The following STK26 variants were observed in gnomAD, a reference collection of about 807,000 sequenced individuals.
STK26 encodes serine/threonine kinase 26.
STK26 carries 14 observed loss-of-function variants against 34.7 expected under a neutral mutation model. The ratio of observed to expected loss-of-function variants is 0.40; its 90% CI spans 0.27 to 0.63. The LOEUF is 0.63. Ranked by LOEUF, STK26 falls within the 30% of genes least tolerant of loss-of-function variation. The pLI is 0.38. For missense variants in STK26, 226 were observed against 309.1 expected (o/e 0.73, Z 2.02); for synonymous variants, 100 against 109.8 (o/e 0.91, Z 0.56).
chrX:132,029,441 G>A (rs1196573974), intron 2 of STK26, among the ~76,000 whole-genome samples: 2 of 110,688 alleles, frequency 1.8e-5, no homozygotes, highest in South Asian at 3.9e-4. Flanking sequence ...ATGTATGGGG[G>A]GCAGTTCATC....
At chrX:132,035,788 C>A (rs1602746341) in intron 2 of STK26, among the ~76,000 whole-genome samples, 1 of 94,002 alleles carries the variant, frequency 1.1e-5, no homozygotes, top group African/African-American at 3.9e-5. Context: ...GTCCCCCCCT[C>A]AAAAAAAAAA....
At chrX:132,041,039 C>T in intron 2 of STK26, among the ~76,000 whole-genome samples, 1 of 111,821 alleles carries the variant, frequency 8.9e-6, no homozygotes, top group East Asian at 2.8e-4. Context: ...TTTTTTTCCG[C>T]AAAATATCAG....
intron 2 of STK26, among the ~76,000 whole-genome samples, chrX:132,027,411 G>A (rs755786960): frequency 8.9e-6 from 1 of 112,091 alleles, no homozygotes; most frequent in Non-Finnish European, 1.9e-5. Flanking sequence ...TATGATGTTC[G>A]GTAGGTTAGG....
intron 2 of STK26, among the ~76,000 whole-genome samples, chrX:132,043,346 A>C (rs1926331994): frequency 8.9e-6 from 1 of 111,964 alleles, no homozygotes; most frequent in Non-Finnish European, 1.9e-5. Flanking sequence ...TGAGGCTCTC[A>C]GCATCTGTCA....
rs1271109830 is a variant in STK26, at chrX:132,032,857, A to G, written c.42+9198A>G. Among the ~76,000 whole-genome samples the G allele has an allele frequency of 2.7e-4, 30 of 111,551 alleles. No homozygotes were observed. The Admixed American group carries it at 2.9e-3, about 11-fold the overall frequency. On this transcript the variant is annotated intron_variant, in intron 2 of 11. Coordinates refer to ENST00000394334, the MANE Select transcript of STK26 (RefSeq NM_016542.4). ...CTAGTGAATTACTCTACCAGGTTTC[A>G]ATAGTGCCTGGTAACACAATCCTAG...
Position 132,068,380 on chromosome X carries a change from G to GT in STK26, c.440-23dup, listed in dbSNP as rs758094084. 8.6e-4 allele frequency: 1,028 copies of GT among 1,188,562 alleles called. 1 individual carries two copies. The highest frequency in any genetic ancestry group is 6.9e-3 in the African/African-American group (385 of 55,525). ...AATAGAAGCATTCTGAGCAAGCTGA[G>GT]TTTTTTTTTGCTTTTCTTTTTTTCC... On this transcript the variant is annotated intron_variant, in intron 5 of 11. Transcript: ENST00000394334.
intron 3 of STK26, chrX:132,055,543 T>C: frequency 9.0e-7 from 1 of 1,115,002 alleles, no homozygotes; most frequent in Non-Finnish European, 1.2e-6. Flanking sequence ...CCAGTGGTCC[T>C]TGGGTTCCAG....
chrX:132,041,741 ATT>A, intron 2 of STK26, among the ~76,000 whole-genome samples: 1 of 109,225 alleles, frequency 9.2e-6, no homozygotes, highest in East Asian at 2.8e-4. Context: ...ACTATATAGC[ATT>A]TTTTTTTAAG....
In STK26 at chrX:132,054,831, T is replaced by G; in HGVS notation, c.243T>G (p.Tyr81Ter). Residue 81 changes from tyrosine to a stop codon, truncating the protein, a stop_gained, in exon 3 of 12, where the codon TAT becomes TAG. Coordinates refer to ENST00000394334, the MANE Select transcript of STK26 (RefSeq NM_016542.4). LOFTEE classifies it high-confidence loss of function. Reference protein sequence around the residue: ...ITVLSQCDSSYVTKYYGSYLK... With the variant: ...ITVLSQCDSS ...TCTTGAGTCAATGTGACAGCTCATA[T>G]GTAACAAAATACTATGGGTCATATT... 8.3e-7 allele frequency: 1 copy of G among 1,205,429 alleles called. No individual in the cohort carries two copies. Among genetic ancestry groups the G allele is most frequent in the Non-Finnish European group, 1.1e-6 (1 of 889,836 alleles).
At chrX:132,044,708 GATCTATATATATATTTATATAT>G (rs1926402740) in intron 2 of STK26, among the ~76,000 whole-genome samples, 1 of 66,408 alleles carries the variant, frequency 1.5e-5, no homozygotes, top group African/African-American at 5.7e-5. Context: ...GAGAGAGAGA[GATCTATATATATATTTATATAT>G]ATATAGAGAG....
chrX:132,029,776 C>G (rs764824522), intron 2 of STK26, among the ~76,000 whole-genome samples: 3 of 111,166 alleles, frequency 2.7e-5, no homozygotes, highest in African/African-American at 9.8e-5. Context: ...TCTGAATGTC[C>G]CAGGCTATAG....
Position 132,054,848 on chromosome X carries a change from G to C in STK26, c.260G>C (p.Gly87Ala). Residue 87 changes from glycine to alanine, a missense_variant, in exon 3 of 12, where the codon GGG becomes GCG. Physicochemically the swap from Gly to Ala is moderately conservative, Grantham distance 60 (BLOSUM62 0). Coordinates refer to ENST00000394334, the MANE Select transcript of STK26 (RefSeq NM_016542.4). Reference sequence around the variant, plus strand: ...AGCTCATATGTAACAAAATACTATGGGTCATATTTAAAGGTAATGTGTGTG... The same window carrying C: ...AGCTCATATGTAACAAAATACTATGCGTCATATTTAAAGGTAATGTGTGTG... ...CDSSYVTKYY[G>A]SYLKGSKLWI... 8.4e-7 allele frequency: 1 copy of C among 1,194,564 alleles called. No individual in the cohort carries two copies. The highest frequency in any genetic ancestry group is 3.0e-5 in the East Asian group (1 of 33,739).
intron 2 of STK26, among the ~76,000 whole-genome samples, chrX:132,025,322 TTCA>T (rs1935076516): frequency 8.9e-6 from 1 of 111,903 alleles, no homozygotes; most frequent in Admixed American, 9.5e-5. Flanking sequence ...GTGCCTCCAG[TTCA>T]TCAAGTTTGT....
intron 2 of STK26, among the ~76,000 whole-genome samples, chrX:132,036,721 C>T (rs1257595501): frequency 8.9e-6 from 1 of 112,028 alleles, no homozygotes; most frequent in Non-Finnish European, 1.9e-5. Context: ...ATACCTTACA[C>T]TTCATTGTGA....
rs758416045 is a variant in STK26, at chrX:132,029,088, A to G, written c.42+5429A>G. Among the ~76,000 whole-genome samples, 3 of 111,824 alleles carry G rather than the reference A, an allele frequency of 2.7e-5. No homozygotes were observed. In the South Asian group the frequency reaches 1.1e-3, roughly 42 times the overall value. Reference sequence around the variant, plus strand: ...TTAGAACTTTTGACACTAGGGGAGTAGGGACTGTAGGGAGAATAAACAGGA... The same window carrying G: ...TTAGAACTTTTGACACTAGGGGAGTGGGGACTGTAGGGAGAATAAACAGGA... On this transcript the variant is annotated intron_variant, in intron 2 of 11. Transcript: ENST00000394334.
chrX:132,028,237 C>T (rs963003760), intron 2 of STK26, among the ~76,000 whole-genome samples: 9 of 62,895 alleles, frequency 1.4e-4, no homozygotes, highest in Non-Finnish European at 2.5e-4. Context: ...GTTCCATGGA[C>T]ATATGTTTAG....
chrX:132,025,252 G>A (rs1483207835), intron 2 of STK26, among the ~76,000 whole-genome samples: 1 of 111,625 alleles, frequency 9.0e-6, no homozygotes, highest in Non-Finnish European at 1.9e-5. Context: ...GTCTCTGAGG[G>A]TCTCCATGCT....
At chrX:132,030,077 C>T (rs1925773602) in intron 2 of STK26, among the ~76,000 whole-genome samples, 3 of 111,864 alleles carry the variant, frequency 2.7e-5, no homozygotes, top group Non-Finnish European at 5.6e-5. Context: ...GAACTCTGTA[C>T]ACCTTAAAGA....
intron 6 of STK26, 27 bp downstream of exon 6, chrX:132,068,596 T>A (rs763707157): frequency 8.5e-7 from 1 of 1,177,304 alleles, no homozygotes; most frequent in Non-Finnish European, 1.1e-6. Flanking sequence ...ACAAACTGTT[T>A]TGGGCTTGTT....
Sources: gnomAD v4.1 joint callset for allele counts (sites outside exome capture counted in the v4.1 genomes callset) on GRCh38, gnomAD v4.1.1 for gene constraint, MANE v1.5 for transcripts, NCBI Gene and HGNC (gene_info 2026-07-23, HGNC 2026-07-21) for gene names.